GPC6: variants seen among roughly 807,000 people sequenced by gnomAD.
The protein encoded by GPC6 is glypican 6.
In GPC6, 14 loss-of-function variants were observed where a neutral mutation model predicts 55.2. The ratio of observed to expected loss-of-function variants is 0.25; its 90% CI spans 0.17 to 0.40. GPC6 has a LOEUF of 0.40. GPC6 is among the 10% of genes least tolerant of loss of function. GPC6 has a pLI of 1.00. For synonymous variants in GPC6, 278 were observed against 259.6 expected (o/e 1.07, Z -0.68); for missense variants, 641 against 708.5 (o/e 0.90, Z 1.08).
At chr13:93,763,872 C>T (rs1383655845) in intron 2 of GPC6, among the ~76,000 whole-genome samples, 1 of 151,998 alleles carries the variant, frequency 6.6e-6, no homozygotes, top group East Asian at 1.9e-4. Flanking sequence ...GCAAGACTCT[C>T]TCCTTTATCC....
rs575601226 is a variant in GPC6 at position 94,205,271 on chromosome 13, T to A, written c.878-81078T>A. ...TACAGAAAAATCAAGGGACTTAAGG[T>A]TGCACTTGAGGTCTCCAGGCATGTG... On this transcript the variant is annotated intron_variant, in intron 4 of 8. Transcript: ENST00000377047. 3.0e-3 allele frequency among the ~76,000 whole-genome samples: 455 copies of A among 152,310 alleles called. 4 individuals are homozygous for A. Among genetic ancestry groups the A allele is most frequent in the African/African-American group, 0.011 (442 of 41,576 alleles).
intron 3 of GPC6, among the ~76,000 whole-genome samples, chr13:93,966,651 A>ATTT (rs59591951): frequency 0.46 from 55,060 of 118,500 alleles, 13,846 homozygotes; most frequent in Non-Finnish European, 0.51. Context: ...TGTTTCCTTC[A>ATTT]TTTTTTTTTT....
chr13:93,717,617 T>C (rs1270016417), intron 2 of GPC6, among the ~76,000 whole-genome samples: 1 of 151,780 alleles, frequency 6.6e-6, no homozygotes, highest in Non-Finnish European at 1.5e-5. Flanking sequence ...TTTTTAGTTA[T>C]TATTATTTAA....
intron 3 of GPC6, among the ~76,000 whole-genome samples, chr13:93,980,152 C>T (rs1421576985): frequency 3.9e-5 from 6 of 152,088 alleles, no homozygotes; most frequent in African/African-American, 1.2e-4. Context: ...ATACAGTCAG[C>T]TTGTGCCTGT....
At chr13:93,737,963 C>T (rs140671365) in intron 2 of GPC6, among the ~76,000 whole-genome samples, 100 of 152,200 alleles carry the variant, frequency 6.6e-4, no homozygotes, top group African/African-American at 2.3e-3. Context: ...CACTTGATGT[C>T]ATGCTCCTCA....
At chr13:93,342,391 C>T (rs955607089) in intron 1 of GPC6, among the ~76,000 whole-genome samples, 3 of 152,118 alleles carry the variant, frequency 2.0e-5, no homozygotes, top group Non-Finnish European at 4.4e-5. Flanking sequence ...AGGAGCAAAC[C>T]CATGTCTTAC....
chr13:94,155,676 C>A (rs1477453585), intron 4 of GPC6, among the ~76,000 whole-genome samples: 1 of 152,132 alleles, frequency 6.6e-6, no homozygotes, highest in Non-Finnish European at 1.5e-5. Flanking sequence ...GAGGATAACT[C>A]TTCTGATACG....
intron 2 of GPC6, among the ~76,000 whole-genome samples, chr13:93,582,256 T>C (rs574408410): frequency 1.5e-4 from 23 of 152,304 alleles, no homozygotes; most frequent in African/African-American, 5.5e-4. Flanking sequence ...GTTAGGTTTT[T>C]AGTTAGAGAT....
chr13:93,601,376 C>CT (rs1332189569), intron 2 of GPC6, among the ~76,000 whole-genome samples: 5 of 151,948 alleles, frequency 3.3e-5, no homozygotes, highest in African/African-American at 1.2e-4. Context: ...GAGTGAGACT[C>CT]TATCTCAAAA....
chr13:93,641,079 A>G (rs1459869509), intron 2 of GPC6, among the ~76,000 whole-genome samples: 8 of 152,012 alleles, frequency 5.3e-5, no homozygotes, highest in African/African-American at 1.9e-4. Flanking sequence ...CATTTTGAAC[A>G]CCATCCTTCC....
At chr13:93,838,982 A>G (rs1252475738) in intron 3 of GPC6, among the ~76,000 whole-genome samples, 2 of 152,208 alleles carry the variant, frequency 1.3e-5, no homozygotes, top group East Asian at 1.9e-4. Flanking sequence ...GCACATTTAA[A>G]GAGAGTTCTG....
chr13:93,421,054 AAAC>A (rs1218738895), intron 1 of GPC6, among the ~76,000 whole-genome samples: 5 of 152,126 alleles, frequency 3.3e-5, no homozygotes, highest in Non-Finnish European at 5.9e-5. Flanking sequence ...GCCAGGCATA[AAAC>A]AACAACATTG....
At chr13:93,970,310 A>G (rs1054619324) in intron 3 of GPC6, among the ~76,000 whole-genome samples, 3 of 152,184 alleles carry the variant, frequency 2.0e-5, no homozygotes, top group East Asian at 1.9e-4. Flanking sequence ...GCATAGACAA[A>G]CAAAACCTGA....
chr13:93,457,139 C>G (rs1878483942), intron 1 of GPC6, among the ~76,000 whole-genome samples: 1 of 152,194 alleles, frequency 6.6e-6, no homozygotes, highest in Non-Finnish European at 1.5e-5. Flanking sequence ...AATTAAACTT[C>G]TTTTCTTTCT....
At chr13:93,445,572 G>A (rs940981412) in intron 1 of GPC6, among the ~76,000 whole-genome samples, 9 of 152,118 alleles carry the variant, frequency 5.9e-5, no homozygotes, top group African/African-American at 2.2e-4. Context: ...CACATCTCCT[G>A]CAGCAATCTG....
At chr13:94,139,036 A>G (rs1407031986) in intron 4 of GPC6, among the ~76,000 whole-genome samples, 9 of 152,004 alleles carry the variant, frequency 5.9e-5, no homozygotes, top group South Asian at 2.1e-4. Context: ...TTTCCAGGAG[A>G]TGACACTGGA....
At chr13:93,218,594 A>C in the GPC6 span, among the ~76,000 whole-genome samples, 1 of 152,230 alleles carries the variant, frequency 6.6e-6, no homozygotes, top group Non-Finnish European at 1.5e-5. Context: ...AGATGGAAGT[A>C]TGTTTGTGAT....
intron 2 of GPC6, among the ~76,000 whole-genome samples, chr13:93,730,977 A>C (rs1443955553): frequency 1.3e-5 from 2 of 152,204 alleles, no homozygotes; most frequent in Non-Finnish European, 2.9e-5. Context: ...ATATGTTGAC[A>C]GCATTCCTCT....
chr13:93,628,790 TG>T (rs1405417745), intron 2 of GPC6, among the ~76,000 whole-genome samples: 1 of 152,166 alleles, frequency 6.6e-6, no homozygotes. Flanking sequence ...ATCATTTAAA[TG>T]AAGCCCATGT....
Sources: gnomAD v4.1 joint callset for allele counts (sites outside exome capture counted in the v4.1 genomes callset) on GRCh38, gnomAD v4.1.1 for gene constraint, MANE v1.5 for transcripts, NCBI Gene and HGNC (gene_info 2026-07-23, HGNC 2026-07-21) for gene names.